UBP1: variants seen among roughly 807,000 people sequenced by gnomAD.
The protein encoded by UBP1 is upstream binding protein 1, also known as upstream-binding protein 1.
In UBP1, 22 loss-of-function variants were observed where a neutral mutation model predicts 76.1. The observed-to-expected ratio is 0.29, with a 90% CI of 0.21 to 0.41. The LOEUF (loss-of-function observed/expected upper bound fraction) is 0.41, where lower values mean the gene tolerates loss of function less well. Ranked by LOEUF, UBP1 falls within the 10% of genes least tolerant of loss-of-function variation. The probability of loss-of-function intolerance (pLI) is 1.00; values close to 1 mark genes in which losing one functional copy is unlikely to be tolerated. For missense variants in UBP1, 436 were observed against 668.1 expected, an observed-to-expected ratio of 0.65 and a Z score of 3.83; for synonymous variants, 224 against 237.1, an observed-to-expected ratio of 0.94 and a Z score of 0.51.
At chr3:33,422,778 G>T (rs2044932753) in intron 2 of UBP1, among the ~76,000 whole-genome samples, 1 of 120,538 alleles carries the variant, frequency 8.3e-6, no homozygotes, top group African/African-American at 3.0e-5. Flanking sequence ...GAGAAAGGGG[G>T]AGAAGAGAAA....
chr3:33,406,220 G>A (rs960880629), intron 8 of UBP1, among the ~76,000 whole-genome samples: 1 of 152,094 alleles, frequency 6.6e-6, no homozygotes, highest in African/African-American at 2.4e-5. Context: ...GTCAGCCTTG[G>A]CAATACAGTG....
At chr3:33,402,925 A>T (rs1366212393) in intron 8 of UBP1, 21 bp from the exon 9 acceptor site, 21 of 1,564,700 alleles carry the variant, frequency 1.3e-5, no homozygotes, top group Non-Finnish European at 1.7e-5. Context: ...AAACAGAAAT[A>T]AATTAGTGAT....
chr3:33,439,697 A>C (rs764318369), intron 1 of UBP1, 39 bp downstream of exon 1: 1 of 1,602,700 alleles, frequency 6.2e-7, no homozygotes, highest in Non-Finnish European at 8.5e-7. Flanking sequence ...GCCTTCCCCA[A>C]GGAGACAGAG....
At chr3:33,431,693 T>C (rs1050402089) in intron 1 of UBP1, among the ~76,000 whole-genome samples, 2 of 151,568 alleles carry the variant, frequency 1.3e-5, no homozygotes, top group African/African-American at 4.9e-5. Context: ...TAAGCCAAGA[T>C]TGCGCCACTG....
At chr3:33,408,460 A>T (rs1237056185) in intron 8 of UBP1, among the ~76,000 whole-genome samples, 1 of 152,148 alleles carries the variant, frequency 6.6e-6, no homozygotes, top group Non-Finnish European at 1.5e-5. Context: ...TTCCCTCCAA[A>T]ACCACCCAAT....
intron 2 of UBP1, among the ~76,000 whole-genome samples, chr3:33,422,022 G>C (rs921712057): frequency 3.3e-5 from 5 of 152,098 alleles, no homozygotes; most frequent in African/African-American, 1.2e-4. Context: ...CAGCCTAAGA[G>C]ACAGAGTGAG....
At chr3:33,424,500 T>G in intron 2 of UBP1, among the ~76,000 whole-genome samples, 1 of 152,192 alleles carries the variant, frequency 6.6e-6, no homozygotes. Flanking sequence ...TGAAAGAAAA[T>G]GTATATACAT....
At chr3:33,400,799 C>T (rs906114467) in intron 10 of UBP1, among the ~76,000 whole-genome samples, 163 bp downstream of exon 10, 2 of 152,134 alleles carry the variant, frequency 1.3e-5, no homozygotes, top group African/African-American at 4.8e-5. Flanking sequence ...AAAAAATGTA[C>T]TCTACTCAGG....
At chr3:33,429,458 T>C (rs977581251) in intron 1 of UBP1, among the ~76,000 whole-genome samples, 1 of 151,988 alleles carries the variant, frequency 6.6e-6, no homozygotes, top group African/African-American at 2.4e-5. Context: ...ACCTCCCAAG[T>C]AGCTAGTATT....
intron 1 of UBP1, among the ~76,000 whole-genome samples, chr3:33,435,236 TA>T (rs1258577152): frequency 6.6e-6 from 1 of 152,184 alleles, no homozygotes; most frequent in African/African-American, 2.4e-5. Flanking sequence ...ACCTTGAAAT[TA>T]GAAGTTTTAT....
chr3:33,426,013 A>ATG (rs2045008509), intron 1 of UBP1, among the ~76,000 whole-genome samples: 1 of 90,482 alleles, frequency 1.1e-5, no homozygotes, highest in Admixed American at 1.3e-4. Context: ...ATATATATAT[A>ATG]TATATATATA....
At chr3:33,422,385 CAAAT>C (rs1292432347) in intron 2 of UBP1, among the ~76,000 whole-genome samples, 1 of 151,148 alleles carries the variant, frequency 6.6e-6, no homozygotes, top group East Asian at 1.9e-4. Flanking sequence ...TAAAAACAAA[CAAAT>C]AAAAGGAAAA....
intron 12 of UBP1, chr3:33,396,487 C>T: frequency 1.9e-6 from 1 of 517,506 alleles, no homozygotes; most frequent in South Asian, 2.8e-5. Flanking sequence ...ATGATCCAGA[C>T]TCTAAACCAT....
At chr3:33,391,816 A>G (rs4678954) in intron 15 of UBP1, 67,687 of 152,022 alleles carry the variant, frequency 0.45, 15,393 homozygotes, top group East Asian at 0.57. Flanking sequence ...TCACATTACT[A>G]CTCCTTTGTT....
chr3:33,392,333 G>A (rs1382027366), intron 15 of UBP1: 16 of 446,324 alleles, frequency 3.6e-5, no homozygotes, highest in Non-Finnish European at 5.5e-5. Flanking sequence ...TCAGTAAGAC[G>A]TTGGCTGAAT....
At chr3:33,433,420 C>T (rs910849452) in intron 1 of UBP1, among the ~76,000 whole-genome samples, 7 of 149,380 alleles carry the variant, frequency 4.7e-5, no homozygotes, top group South Asian at 2.1e-4. Context: ...CGTGGGAGTC[C>T]GAGGCGGGCA....
chr3:33,396,850 T>C (rs964967971), intron 12 of UBP1, 195 bp downstream of exon 12: 2 of 687,900 alleles, frequency 2.9e-6, no homozygotes, highest in Middle Eastern at 2.3e-4. Flanking sequence ...TCTGCCCTCA[T>C]CAGTGCCTGC....
intron 4 of UBP1, 90 bp from the exon 5 acceptor site, chr3:33,411,777 CTG>C: frequency 9.7e-7 from 1 of 1,034,464 alleles, no homozygotes; most frequent in Non-Finnish European, 1.5e-6. Flanking sequence ...AATGAAATAA[CTG>C]TAACTGCTTT....
chr3:33,437,123 A>G (rs1300145296), intron 1 of UBP1, among the ~76,000 whole-genome samples: 1 of 152,196 alleles, frequency 6.6e-6, no homozygotes, highest in African/African-American at 2.4e-5. Context: ...CACAGAACAC[A>G]TGAGAACCAG....
Sources: allele counts gnomAD v4.1 joint callset (sites outside exome capture counted in the v4.1 genomes callset), GRCh38; gene constraint gnomAD v4.1.1; transcripts MANE v1.5; gene names NCBI Gene and HGNC (gene_info 2026-07-23, HGNC 2026-07-21).